The following LRRC7 variants were observed in gnomAD, a reference collection of about 807,000 sequenced individuals.
LRRC7 encodes the protein leucine rich repeat containing 7.
In LRRC7, 23 loss-of-function variants were observed where a neutral mutation model predicts 175.7. That is an observed-to-expected ratio of 0.13 (90% CI 0.09 to 0.19). LRRC7 has a LOEUF of 0.19. Among genes scored for constraint, LRRC7 ranks in the 10% least tolerant of loss-of-function variants. The pLI, the probability that LRRC7 is intolerant of heterozygous loss-of-function variation, is 1.00. For synonymous variants in LRRC7, 685 were observed against 680.9 expected, an observed-to-expected ratio of 1.01 and a Z score of -0.09; for missense variants, 1,354 against 1,904.7, an observed-to-expected ratio of 0.71 and a Z score of 5.38.
At chr1:69,963,629 T>G (rs1414475176) in intron 8 of LRRC7, among the ~76,000 whole-genome samples, 1 of 152,264 alleles carries the variant, frequency 6.6e-6, no homozygotes, top group East Asian at 1.9e-4. Context: ...TTTTTTGTGT[T>G]TTTTTTGGAG....
At chr1:70,010,560 A>G (rs113828294) in intron 11 of LRRC7, among the ~76,000 whole-genome samples, 1 of 152,070 alleles carries the variant, frequency 6.6e-6, no homozygotes, top group African/African-American at 2.4e-5. Context: ...GCAAGACTAC[A>G]TCTCAACAAA....
Position 70,021,456 on chromosome 1 carries a change from A to G in LRRC7, c.1545+327A>G, listed in dbSNP as rs188826483. 1.5e-3 allele frequency: 267 copies of G among 181,862 alleles called. 1 individual carries two copies. Among genetic ancestry groups the G allele is most frequent in the African/African-American group, 6.2e-3 (258 of 41,426 alleles). 11.3% of individuals were successfully genotyped at this position (181,862 alleles called of 1,614,324 possible). On this transcript the variant is annotated intron_variant, in intron 16 of 26. Coordinates refer to ENST00000651989, the MANE Select transcript of LRRC7 (RefSeq NM_001370785.2). ...TTATTTCATTGTTGACATGCTACAC[A>G]CTACGATGATTTTTTTTAATCACTG... is the stretch of plus-strand genomic sequence containing the variant.
At chr1:70,035,766 A>C (rs1659251181) in intron 18 of LRRC7, among the ~76,000 whole-genome samples, 1 of 152,108 alleles carries the variant, frequency 6.6e-6, no homozygotes, top group Admixed American at 6.6e-5. Flanking sequence ...GGCTTATCAT[A>C]ATTCAGTCTG....
intron 7 of LRRC7, among the ~76,000 whole-genome samples, chr1:69,877,254 A>G (rs902978693): frequency 6.6e-6 from 1 of 152,152 alleles, no homozygotes; most frequent in African/African-American, 2.4e-5. Flanking sequence ...AACATTGGCT[A>G]AGTAAGAATT....
At chr1:69,933,044 T>G (rs1280186446) in intron 8 of LRRC7, among the ~76,000 whole-genome samples, 2 of 152,156 alleles carry the variant, frequency 1.3e-5, no homozygotes, top group East Asian at 3.9e-4. Context: ...TGCCCTGTCC[T>G]CCCTCCAGCA....
rs1229486568 is a variant in LRRC7, at chr1:70,141,675, G to GTGA, written c.*19790_*19792dup. ...TTTTTTGCTGGATCTTATAAAATATGTGATACTTAAGTACACTGAAGTTTT... is the reference window on the plus strand; with the variant it reads ...TTTTTTGCTGGATCTTATAAAATATGTGATGATACTTAAGTACACTGAAGTTTT... On this transcript the variant is annotated 3_prime_UTR_variant, in exon 27 of 27. Coordinates refer to ENST00000651989, the MANE Select transcript of LRRC7 (RefSeq NM_001370785.2). The GTGA allele has an allele frequency of 1.3e-5, 2 of 152,026 alleles. No homozygotes were observed. Among genetic ancestry groups the GTGA allele is most frequent in the African/African-American group, 4.8e-5 (2 of 41,382 alleles). The allele number at this position is 152,026 out of a possible 1,614,324, so 9.4% of individuals were successfully genotyped here.
In LRRC7 at chr1:69,796,551, G is replaced by A. The variant is rs551974314; in HGVS notation, c.421+4391G>A. On this transcript the variant is annotated intron_variant, in intron 4 of 26. Transcript: ENST00000651989. ...TGTAATCCCAGTACTTTGGGAGGCC[G>A]AGGTGGGCGGATCACCTGAGGTCGG... 7.2e-5 allele frequency among the ~76,000 whole-genome samples: 11 copies of A among 152,150 alleles called. 1 individual carries two copies. The highest frequency in any genetic ancestry group is 6.2e-4 in the South Asian group (3 of 4,820).
At chr1:69,921,548 C>T (rs574724444) in intron 7 of LRRC7, among the ~76,000 whole-genome samples, 1 of 152,238 alleles carries the variant, frequency 6.6e-6, no homozygotes, top group South Asian at 2.1e-4. Flanking sequence ...CAGTCATCAT[C>T]ATTAATCAAG....
Position 70,132,796 on chromosome 1 carries a change from G to A in LRRC7, c.*10909G>A, listed in dbSNP as rs1666727296. Among the ~76,000 whole-genome samples the A allele has an allele frequency of 6.6e-6, 1 of 152,204 alleles. No homozygotes were observed. The highest frequency in any genetic ancestry group is 1.5e-5 in the Non-Finnish European group (1 of 67,996). Reference sequence around the variant, plus strand: ...GTACTTTTCTTAAATAAAGACTAATGTCAGACAGTGTGGCTACAGGTAAAA... The same window carrying A: ...GTACTTTTCTTAAATAAAGACTAATATCAGACAGTGTGGCTACAGGTAAAA... On this transcript the variant is annotated 3_prime_UTR_variant, in exon 27 of 27. Transcript: ENST00000651989.
chr1:69,617,868 C>T (rs923471990), intron 1 of LRRC7, among the ~76,000 whole-genome samples: 6 of 152,030 alleles, frequency 3.9e-5, no homozygotes, highest in African/African-American at 9.7e-5. Flanking sequence ...ACTGGCAGAA[C>T]GTGGGCCTGC....
chr1:69,669,746 T>C (rs1658788290), intron 1 of LRRC7, among the ~76,000 whole-genome samples: 1 of 151,360 alleles, frequency 6.6e-6, no homozygotes, highest in Non-Finnish European at 1.5e-5. Context: ...TCATGCTGTA[T>C]TTTTTTTTAT....
intron 8 of LRRC7, among the ~76,000 whole-genome samples, chr1:69,956,417 A>G (rs993058730): frequency 1.3e-5 from 2 of 151,892 alleles, no homozygotes; most frequent in Admixed American, 1.3e-4. Flanking sequence ...GGAGTGGACA[A>G]TTAGAATACT....
At chr1:69,803,345 G>C (rs1363270901) in intron 4 of LRRC7, among the ~76,000 whole-genome samples, 2 of 151,384 alleles carry the variant, frequency 1.3e-5, no homozygotes, top group African/African-American at 4.8e-5. Context: ...TTTGGGAAGT[G>C]TTGATACCTT....
chr1:70,072,870 C>G (rs1425031843), intron 23 of LRRC7, among the ~76,000 whole-genome samples: 1 of 152,244 alleles, frequency 6.6e-6, no homozygotes, highest in Non-Finnish European at 1.5e-5. Flanking sequence ...TATATCCCCT[C>G]TCAACAACTT....
chr1:69,592,072 A>G (rs553902604), intron 1 of LRRC7, among the ~76,000 whole-genome samples: 25 of 152,140 alleles, frequency 1.6e-4, no homozygotes, highest in African/African-American at 5.1e-4. Context: ...AGGCAATTAC[A>G]TTACTTTGTG....
chr1:69,983,432 T>C (rs1653634269), intron 9 of LRRC7, among the ~76,000 whole-genome samples: 1 of 152,218 alleles, frequency 6.6e-6, no homozygotes, highest in African/African-American at 2.4e-5. Context: ...GTGTTACTTG[T>C]AGTAGATGCT....
intron 1 of LRRC7, among the ~76,000 whole-genome samples, chr1:69,633,773 T>C (rs998716042): frequency 6.6e-6 from 1 of 152,168 alleles, no homozygotes; most frequent in African/African-American, 2.4e-5. Flanking sequence ...CTCTTTTTAT[T>C]ATTTTACTTA....
chr1:69,656,546 C>A (rs1281425028), intron 1 of LRRC7, among the ~76,000 whole-genome samples: 1 of 151,944 alleles, frequency 6.6e-6, no homozygotes, highest in Admixed American at 6.6e-5. Context: ...TTTTTACTAA[C>A]TAACATATTT....
At chr1:69,603,118 C>G (rs1180560043) in intron 1 of LRRC7, among the ~76,000 whole-genome samples, 1 of 149,142 alleles carries the variant, frequency 6.7e-6, no homozygotes. Context: ...TGGCTTTTCC[C>G]CTTTATGTCA....
Sources: allele counts gnomAD v4.1 joint callset (sites outside exome capture counted in the v4.1 genomes callset), GRCh38; gene constraint gnomAD v4.1.1; transcripts MANE v1.5; gene names NCBI Gene and HGNC (gene_info 2026-07-23, HGNC 2026-07-21).